AGTPBP1: variants seen among roughly 807,000 people sequenced by gnomAD.
AGTPBP1 encodes the protein cytosolic carboxypeptidase 1.
AGTPBP1 carries 70 observed loss-of-function variants against 143.9 expected under a neutral mutation model. That is an observed-to-expected ratio of 0.49 (90% CI 0.40 to 0.59). The LOEUF (loss-of-function observed/expected upper bound fraction) is 0.59, where lower values mean the gene tolerates loss of function less well. AGTPBP1 is among the 20% of genes least tolerant of loss of function. AGTPBP1 has a pLI of 0.00. For synonymous variants in AGTPBP1, 463 were observed against 500.2 expected (o/e 0.93, Z 0.99); for missense variants, 1,229 against 1,464.5 (o/e 0.84, Z 2.62).
intron 25 of AGTPBP1, among the ~76,000 whole-genome samples, chr9:85,571,779 C>A (rs1299365870): frequency 6.6e-6 from 1 of 152,108 alleles, no homozygotes; most frequent in Non-Finnish European, 1.5e-5. Flanking sequence ...ATGCAACACA[C>A]ACAGACTCAG....
the AGTPBP1 span, among the ~76,000 whole-genome samples, chr9:85,804,883 G>A: frequency 6.6e-6 from 1 of 152,096 alleles, no homozygotes; most frequent in Non-Finnish European, 1.5e-5. Flanking sequence ...CCTGGAGGTC[G>A]AACCCCAAGT....
At chr9:85,722,638 G>A (rs1224928101) in intron 1 of AGTPBP1, among the ~76,000 whole-genome samples, 1 of 152,152 alleles carries the variant, frequency 6.6e-6, no homozygotes, top group Non-Finnish European at 1.5e-5. Context: ...GCTCAGAGAA[G>A]TTTGTTATTA....
intron 11 of AGTPBP1, among the ~76,000 whole-genome samples, 158 bp from the exon 12 acceptor site, chr9:85,646,576 G>A (rs1832823402): frequency 6.6e-6 from 1 of 152,172 alleles, no homozygotes; most frequent in Non-Finnish European, 1.5e-5. Context: ...CCCAGCTGTT[G>A]ACAAACCCAT....
At chr9:85,584,703 ACCAT>A (rs1289265092) in intron 23 of AGTPBP1, among the ~76,000 whole-genome samples, 5 of 152,188 alleles carry the variant, frequency 3.3e-5, no homozygotes, top group Non-Finnish European at 7.4e-5. Flanking sequence ...TTTCCTATCT[ACCAT>A]CAATGATCAA....
chr9:85,625,681 C>T (rs995194340), intron 14 of AGTPBP1, among the ~76,000 whole-genome samples: 3 of 151,268 alleles, frequency 2.0e-5, no homozygotes, highest in African/African-American at 4.9e-5. Flanking sequence ...GGCAGGAGAT[C>T]GAGACCATCC....
intron 9 of AGTPBP1, among the ~76,000 whole-genome samples, chr9:85,658,137 C>T (rs1833642848): frequency 6.6e-6 from 1 of 151,936 alleles, no homozygotes; most frequent in African/African-American, 2.4e-5. Flanking sequence ...TTTGTGTTTC[C>T]ACTAAAATTA....
intron 25 of AGTPBP1, among the ~76,000 whole-genome samples, chr9:85,570,854 G>A (rs1827414241): frequency 6.6e-6 from 1 of 152,172 alleles, no homozygotes; most frequent in Non-Finnish European, 1.5e-5. Flanking sequence ...AGCAGGGTGA[G>A]GAAGGCATCC....
Position 85,547,140 on chromosome 9 carries a change from T to A in AGTPBP1, c.3650A>T (p.Asp1217Val), listed in dbSNP as rs1406679675. Residue 1217 changes from aspartate to valine, a missense_variant, in exon 26 of 26, where the codon GAC becomes GTC. Physicochemically the swap from Asp to Val is radical, Grantham distance 152. Transcript: ENST00000357081. ...TAGGTATGTTCTTGATAATTCAGAG[T>A]CAGAAAGTACTTCTTCTTGAGCAGA... ...EPSAQEEVLS[D>V]SELSRTYLP 1 of 1,612,066 alleles carries A rather than the reference T, an allele frequency of 6.2e-7. No homozygotes were observed. Among genetic ancestry groups the A allele is most frequent in the African/African-American group, 1.3e-5 (1 of 74,756 alleles).
At chr9:85,748,273 T>C in the AGTPBP1 span, among the ~76,000 whole-genome samples, 5 of 152,186 alleles carry the variant, frequency 3.3e-5, no homozygotes, top group African/African-American at 7.2e-5. Context: ...CATTATACTT[T>C]CCTTGTTTTT....
At chr9:85,703,557 C>T (rs1452673222) in intron 2 of AGTPBP1, among the ~76,000 whole-genome samples, 1 of 152,184 alleles carries the variant, frequency 6.6e-6, no homozygotes, top group Non-Finnish European at 1.5e-5. Flanking sequence ...GGATGACTCC[C>T]AGATTTATGG....
chr9:85,715,406 C>T (rs1224039495), intron 1 of AGTPBP1, among the ~76,000 whole-genome samples: 1 of 152,072 alleles, frequency 6.6e-6, no homozygotes, highest in Non-Finnish European at 1.5e-5. Context: ...AAACTAGGAA[C>T]CTAGCACTCA....
chr9:85,581,448 T>C (rs1299565321), intron 23 of AGTPBP1, among the ~76,000 whole-genome samples: 1 of 152,210 alleles, frequency 6.6e-6, no homozygotes, highest in African/African-American at 2.4e-5. Flanking sequence ...ATATGAAGGC[T>C]ATAAGCGCAA....
the AGTPBP1 span, among the ~76,000 whole-genome samples, chr9:85,783,668 C>T: frequency 6.6e-6 from 1 of 151,726 alleles, no homozygotes; most frequent in Non-Finnish European, 1.5e-5. Context: ...GAGTTTCACT[C>T]TTGTTACCCA....
At chr9:85,797,813 G>A in the AGTPBP1 span, among the ~76,000 whole-genome samples, 1 of 152,172 alleles carries the variant, frequency 6.6e-6, no homozygotes, top group African/African-American at 2.4e-5. Context: ...ACCACGGGTT[G>A]GAAAAGCTTG....
intron 17 of AGTPBP1, among the ~76,000 whole-genome samples, chr9:85,610,246 T>A (rs1029390853): frequency 2.0e-5 from 3 of 152,072 alleles, no homozygotes; most frequent in African/African-American, 7.2e-5. Context: ...AAGCTCCAAG[T>A]CACTAAAATG....
intron 9 of AGTPBP1, among the ~76,000 whole-genome samples, chr9:85,660,086 T>TA (rs979787630): frequency 0.028 from 4,170 of 146,372 alleles, 66 homozygotes; most frequent in Middle Eastern, 0.066. Flanking sequence ...TGCTATTATT[T>TA]AAAAAAAAAA....
the AGTPBP1 span, chr9:85,805,266 G>GCCCCGC: frequency 3.3e-4 from 50 of 152,276 alleles, no homozygotes; most frequent in African/African-American, 9.6e-4. Context: ...GACGCGCCAG[G>GCCCCGC]CCCCGCCCCC....
the AGTPBP1 span, among the ~76,000 whole-genome samples, chr9:85,779,224 GAT>G: frequency 2.2e-4 from 21 of 93,512 alleles, no homozygotes; most frequent in African/African-American, 7.6e-4. Context: ...TATAGATATA[GAT>G]ATAGATATAG....
chr9:85,697,715 G>T (rs1181477089), intron 2 of AGTPBP1, among the ~76,000 whole-genome samples: 2 of 152,018 alleles, frequency 1.3e-5, no homozygotes, highest in Non-Finnish European at 2.9e-5. Flanking sequence ...GCCTCCCAAA[G>T]TGCTAGGATT....
Sources: gnomAD v4.1 joint callset for allele counts (sites outside exome capture counted in the v4.1 genomes callset) on GRCh38, gnomAD v4.1.1 for gene constraint, MANE v1.5 for transcripts, NCBI Gene and HGNC (gene_info 2026-07-23, HGNC 2026-07-21) for gene names.